Variants in DDC observed in about 807,000 individuals in gnomAD.
DDC encodes the protein dopa decarboxylase.
DDC carries 43 observed loss-of-function variants against 60.0 expected under a neutral mutation model. That is an observed-to-expected ratio of 0.72 (90% CI 0.56 to 0.92). The LOEUF is 0.92. Among genes scored for constraint, DDC ranks in the 40% least tolerant of loss-of-function variants. The pLI is 0.00. For missense variants in DDC, 573 were observed against 620.2 expected (o/e 0.92, Z 0.81); for synonymous variants, 232 against 234.6 (o/e 0.99, Z 0.10).
intron 7 of DDC, among the ~76,000 whole-genome samples, chr7:50,502,595 C>G (rs2043285262): frequency 6.6e-6 from 1 of 152,208 alleles, no homozygotes; most frequent in Non-Finnish European, 1.5e-5. Context: ...TCTATCCCTT[C>G]TCCCCAGCCC....
intron 9 of DDC, among the ~76,000 whole-genome samples, chr7:50,491,442 G>A (rs1424049898): frequency 6.6e-6 from 1 of 152,074 alleles, no homozygotes; most frequent in African/African-American, 2.4e-5. Flanking sequence ...AACTGTCTTA[G>A]TCACAAGAGA....
At chr7:50,469,254 TTAAAAAAAAAAA>T (rs2042475097) in intron 12 of DDC, among the ~76,000 whole-genome samples, 1 of 124,808 alleles carries the variant, frequency 8.0e-6, no homozygotes, top group Non-Finnish European at 1.7e-5. Flanking sequence ...AATTGTTATT[TTAAAAAAAAAAA>T]AAAAAAAAAA....
intron 9 of DDC, among the ~76,000 whole-genome samples, chr7:50,482,097 A>G: frequency 6.6e-6 from 1 of 152,222 alleles, no homozygotes; most frequent in East Asian, 1.9e-4. Context: ...TGCCAATGGA[A>G]TAGCACAAGG....
At chr7:50,534,722 G>A (rs1431041980) in intron 4 of DDC, among the ~76,000 whole-genome samples, 1 of 152,232 alleles carries the variant, frequency 6.6e-6, no homozygotes, top group South Asian at 2.1e-4. Flanking sequence ...GAGGCCTCTT[G>A]TAAAGGGTTA....
intron 1 of DDC, among the ~76,000 whole-genome samples, chr7:50,549,600 T>C (rs1276858328): frequency 6.8e-6 from 1 of 146,362 alleles, no homozygotes; most frequent in Non-Finnish European, 1.5e-5. Context: ...CTTGCAGCAG[T>C]AAGCCAAGAT....
chr7:50,565,081 G>A (rs953881241), intron 1 of DDC, among the ~76,000 whole-genome samples: 1 of 152,188 alleles, frequency 6.6e-6, no homozygotes, highest in African/African-American at 2.4e-5. Context: ...GAGTGACTGT[G>A]TGTGCATGGA....
intron 9 of DDC, among the ~76,000 whole-genome samples, chr7:50,480,117 T>G (rs1393792932): frequency 6.6e-6 from 1 of 152,186 alleles, no homozygotes; most frequent in Non-Finnish European, 1.5e-5. Context: ...GTGATAAGGG[T>G]TCATTTTGCA....
At chr7:50,509,596 C>G (rs1311632929) in intron 6 of DDC, among the ~76,000 whole-genome samples, 5 of 152,148 alleles carry the variant, frequency 3.3e-5, no homozygotes, top group Non-Finnish European at 7.3e-5. Flanking sequence ...TGAATTTCAC[C>G]CACAGACACT....
rs2153545635 is a variant in DDC at position 50,528,178 on chromosome 7, C to T, written c.673G>A (p.Ala225Thr). 6.2e-7 allele frequency: 1 copy of T among 1,613,818 alleles called. No individual in the cohort carries two copies. Among genetic ancestry groups the T allele is most frequent in the East Asian group, 2.2e-5 (1 of 44,876 alleles). The change falls in exon 6 of 15, where the codon GCC (alanine) becomes ACC (threonine). Residue 225 changes from alanine (A) to threonine (T), a missense_variant. Ala to Thr is a moderately conservative substitution (Grantham distance 58). Transcript: ENST00000444124. ...FAMRASALQE[A>T]LERDKAAGLI... is the part of the protein sequence containing the mutation. ...CCAGCCGCTTTGTCTCTCTCCAGGGCTTCCTGCAGGGCAGACGCACGCATG... is the reference window on the plus strand; with the variant it reads ...CCAGCCGCTTTGTCTCTCTCCAGGGTTTCCTGCAGGGCAGACGCACGCATG...
At chr7:50,461,717 C>T (rs2042277528) in intron 14 of DDC, among the ~76,000 whole-genome samples, 1 of 152,246 alleles carries the variant, frequency 6.6e-6, no homozygotes, top group Non-Finnish European at 1.5e-5. Context: ...TTTCCCTCCC[C>T]TCACATAGTC....
intron 14 of DDC, 85 bp from the exon 15 acceptor site, chr7:50,458,928 T>G (rs1264208478): frequency 6.9e-6 from 1 of 144,566 alleles, no homozygotes; most frequent in East Asian, 2.1e-4. Context: ...CCCTCTCCCT[T>G]TCCCTCTCCC....
intron 1 of DDC, among the ~76,000 whole-genome samples, chr7:50,561,371 G>A (rs1023185954): frequency 9.9e-5 from 15 of 152,122 alleles, no homozygotes; most frequent in African/African-American, 2.9e-4. Context: ...CTTTGAGAAC[G>A]ACCAGGCTCC....
chr7:50,505,913 A>G (rs2043381272), intron 6 of DDC, among the ~76,000 whole-genome samples: 1 of 152,176 alleles, frequency 6.6e-6, no homozygotes, highest in Non-Finnish European at 1.5e-5. Flanking sequence ...GGTGAGCCCA[A>G]CAAGTCAGGA....
chr7:50,538,028 AT>A (rs757534071), intron 3 of DDC, 49 bp from the exon 4 acceptor site: 2 of 1,613,448 alleles, frequency 1.2e-6, no homozygotes, highest in East Asian at 2.2e-5. Context: ...GCATTGCAGA[AT>A]TTGGGGGTCA....
chr7:50,477,047 G>A (rs1287706156), intron 10 of DDC, among the ~76,000 whole-genome samples: 1 of 152,146 alleles, frequency 6.6e-6, no homozygotes, highest in African/African-American at 2.4e-5. Context: ...ATTTTAAAAA[G>A]GAGAATGAAA....
chr7:50,514,354 C>T (rs1310942671), intron 6 of DDC, among the ~76,000 whole-genome samples: 1 of 152,214 alleles, frequency 6.6e-6, no homozygotes, highest in African/African-American at 2.4e-5. Flanking sequence ...GATATTCCCC[C>T]TGACAGAGCC....
intron 9 of DDC, among the ~76,000 whole-genome samples, chr7:50,484,638 C>G (rs2042842396): frequency 6.6e-6 from 1 of 152,080 alleles, no homozygotes; most frequent in Admixed American, 6.6e-5. Flanking sequence ...TGTATGTGTA[C>G]TTGAGGACAT....
chr7:50,471,720 C>T (rs1474277658), intron 11 of DDC, among the ~76,000 whole-genome samples: 2 of 152,176 alleles, frequency 1.3e-5, no homozygotes, highest in African/African-American at 2.4e-5. Context: ...CTGAGCCGAA[C>T]CTGCACACAC....
intron 2 of DDC, among the ~76,000 whole-genome samples, chr7:50,541,157 C>A (rs1050282252): frequency 1.3e-5 from 2 of 152,242 alleles, no homozygotes; most frequent in Admixed American, 6.5e-5. Context: ...CCCTGTTCCG[C>A]ATTGTCCCCT....
Sources: gnomAD v4.1 joint callset for allele counts (sites outside exome capture counted in the v4.1 genomes callset) on GRCh38, gnomAD v4.1.1 for gene constraint, MANE v1.5 for transcripts, NCBI Gene and HGNC (gene_info 2026-07-23, HGNC 2026-07-21) for gene names.